DPF3: variants seen among roughly 807,000 people sequenced by gnomAD.
DPF3 encodes the protein double PHD fingers 3, also known as zinc finger protein DPF3.
DPF3 carries 18 observed loss-of-function variants against 56.8 expected under a neutral mutation model. That is an observed-to-expected ratio of 0.32 (90% confidence interval 0.22 to 0.47). The LOEUF is 0.47. Among genes scored for constraint, DPF3 ranks in the 20% least tolerant of loss-of-function variants. The pLI is 1.00. For missense variants in DPF3, 403 were observed against 488.8 expected (o/e 0.82, Z 1.65); for synonymous variants, 188 against 180.2 (o/e 1.04, Z -0.35).
chr14:72,643,008 T>C (rs893265041), intron 8 of DPF3, among the ~76,000 whole-genome samples: 29 of 152,212 alleles, frequency 1.9e-4, no homozygotes, highest in Admixed American at 3.3e-4. Flanking sequence ...GATAGGAACA[T>C]TCCTGATTTA....
At chr14:72,648,014 C>T (rs772332994) in intron 8 of DPF3, among the ~76,000 whole-genome samples, 16 of 152,174 alleles carry the variant, frequency 1.1e-4, no homozygotes, top group Non-Finnish European at 1.8e-4. Flanking sequence ...TACCCCTCTA[C>T]CCCTTTTTCC....
intron 1 of DPF3, among the ~76,000 whole-genome samples, chr14:72,810,014 C>T (rs1405630321): frequency 1.3e-5 from 2 of 152,208 alleles, no homozygotes; most frequent in African/African-American, 2.4e-5. Context: ...GCACTTAGCA[C>T]TGTGCCTGTA....
intron 4 of DPF3, among the ~76,000 whole-genome samples, chr14:72,726,252 CA>C (rs1324141000): frequency 6.6e-6 from 1 of 152,172 alleles, no homozygotes; most frequent in Non-Finnish European, 1.5e-5. Flanking sequence ...TGGTAAGTTC[CA>C]AGTGCCTCGA....
rs113226778 is a variant in DPF3, at chr14:72,818,680, A to T, written c.33-46787T>A. ...CAACAAAGACCTTGTCTCTAAAAAG[A>T]TAAAAATTTAAAAATTAAAAAGACA... On this transcript the variant is annotated intron_variant, in intron 1 of 10. Coordinates refer to ENST00000556509, the MANE Select transcript of DPF3 (RefSeq NM_001280542.3). Among the ~76,000 whole-genome samples, 617 of 152,378 alleles carry T rather than the reference A, an allele frequency of 4.0e-3. 8 individuals carry two copies. The highest frequency in any genetic ancestry group is 0.014 in the African/African-American group (597 of 41,596).
chr14:72,775,046 A>C (rs1018770296), intron 1 of DPF3, among the ~76,000 whole-genome samples: 1 of 152,204 alleles, frequency 6.6e-6, no homozygotes. Context: ...GCCCCCACCC[A>C]TGAAACAGCA....
intron 2 of DPF3, among the ~76,000 whole-genome samples, chr14:72,769,689 A>C (rs1891439624): frequency 1.3e-5 from 2 of 151,584 alleles, no homozygotes; most frequent in Non-Finnish European, 1.5e-5. Flanking sequence ...AAAAAAAAAA[A>C]AAAAAAAAAA....
intron 8 of DPF3, among the ~76,000 whole-genome samples, chr14:72,650,802 A>C (rs1454994442): frequency 6.6e-6 from 1 of 152,148 alleles, no homozygotes; most frequent in African/African-American, 2.4e-5. Context: ...TCCCTCCAAG[A>C]CAGGATCAGC....
chr14:72,709,685 G>A (rs1888572822), intron 6 of DPF3, among the ~76,000 whole-genome samples: 1 of 152,082 alleles, frequency 6.6e-6, no homozygotes, highest in East Asian at 1.9e-4. Context: ...TGAGGACGCT[G>A]GGATCATATC....
Position 72,714,452 on chromosome 14 carries a change from T to C in DPF3, c.575A>G (p.Glu192Gly). Reference protein sequence around the residue: ...GRRRHDAASQEDHDKPYVCDI... With the variant: ...GRRRHDAASQGDHDKPYVCDI... ...ACAGACGTAAGGTTTGTCGTGGTCT[T>C]CCTGAGAGGCGGCGTCGTGCCTCCT... The change falls in exon 6 of 11, where the codon GAA (glutamate) becomes GGA (glycine). Residue 192 changes from glutamate (E) to glycine (G), a missense_variant. By Grantham distance (98) the Glu-to-Gly change is moderately conservative. Around this residue, in one of 2 missense-constraint regions of DPF3, gnomAD observed 340 missense variants for 374.3 expected, o/e 0.91. Transcript: ENST00000556509. 6.2e-7 allele frequency: 1 copy of C among 1,613,832 alleles called. No homozygotes were observed. Among genetic ancestry groups the C allele is most frequent in the Non-Finnish European group, 8.5e-7 (1 of 1,179,792 alleles).
At chr14:72,723,088 G>A (rs147668593) in intron 5 of DPF3, among the ~76,000 whole-genome samples, 36 of 151,868 alleles carry the variant, frequency 2.4e-4, no homozygotes, top group African/African-American at 7.2e-4. Context: ...CACAATGTAC[G>A]GGTTAGTTAC....
intron 1 of DPF3, among the ~76,000 whole-genome samples, chr14:72,866,680 A>C (rs1232473885): frequency 6.6e-6 from 1 of 150,592 alleles, no homozygotes; most frequent in Non-Finnish European, 1.5e-5. Flanking sequence ...AACACGAAGA[A>C]ACCCCATCTC....
At position 72,612,435 on chromosome 14, in the gene DPF3, T is replaced by G. The variant is rs531466402; in HGVS notation, c.*6862A>C. The stretch of plus-strand genomic sequence containing the variant: ...TATCAGGCAGTGTTTCTGTCCTTTT[T>G]TTTTTTCTAGTACCTAATTTAGGCT... On this transcript the variant is annotated 3_prime_UTR_variant, in exon 11 of 11. Transcript: ENST00000556509. 3 of 516,480 alleles carry G rather than the reference T, an allele frequency of 5.8e-6. No individual in the cohort carries two copies. The highest frequency in any genetic ancestry group is 1.4e-5 in the South Asian group (1 of 71,214). The allele number at this position is 516,480 out of a possible 1,614,324, so 32.0% of individuals were successfully genotyped here.
At chr14:72,732,177 G>A (rs905305853) in intron 3 of DPF3, among the ~76,000 whole-genome samples, 1 of 152,230 alleles carries the variant, frequency 6.6e-6, no homozygotes, top group Non-Finnish European at 1.5e-5. Flanking sequence ...CAGAAAGGGT[G>A]CGGGGTAGAT....
chr14:72,891,175 G>A (rs560855236), intron 1 of DPF3, among the ~76,000 whole-genome samples: 32 of 152,294 alleles, frequency 2.1e-4, no homozygotes, highest in Admixed American at 5.9e-4. Context: ...CATACTCAGC[G>A]TAGGCAGAGC....
At chr14:72,860,209 G>T (rs1049624213) in intron 1 of DPF3, among the ~76,000 whole-genome samples, 1 of 152,050 alleles carries the variant, frequency 6.6e-6, no homozygotes, top group African/African-American at 2.4e-5. Flanking sequence ...TTGAGACAGG[G>T]TCTCACCCTG....
intron 8 of DPF3, among the ~76,000 whole-genome samples, chr14:72,657,273 C>G (rs1886085148): frequency 6.6e-6 from 1 of 152,202 alleles, no homozygotes; most frequent in Admixed American, 6.5e-5. Context: ...TTGTCTCATA[C>G]AGATGAAACT....
At chr14:72,797,535 C>G (rs759503016) in intron 1 of DPF3, among the ~76,000 whole-genome samples, 76 of 152,318 alleles carry the variant, frequency 5.0e-4, no homozygotes, top group Non-Finnish European at 9.0e-4. Flanking sequence ...TATATCAATA[C>G]AGCTGTGAAT....
At position 72,723,702 on chromosome 14, in the gene DPF3, T is replaced by C; in HGVS notation, c.456A>G (p.Val152=). ...IQRVLENDEN[V]EEGNEEEDLE... ...AATCCTCTTCTTCATTCCCTTCTTC[T>C]ACATTTTCATCATTTTCCAAAACCC... Residue 152 remains valine (V), a synonymous_variant, in exon 5 of 11, where the codon GTA becomes GTG. Transcript: ENST00000556509. 1.3e-6 allele frequency: 2 copies of C among 1,583,918 alleles called. No individual in the cohort carries two copies. Among genetic ancestry groups the C allele is most frequent in the Non-Finnish European group, 1.7e-6 (2 of 1,170,762 alleles).
chr14:72,775,925 C>T lies in DPF3; in HGVS notation c.33-4032G>A, dbSNP rs75263512. On this transcript the variant is annotated intron_variant, in intron 1 of 10. Transcript: ENST00000556509. ...AAAATCAATGACTAGTTCTCCCTAA[C>T]CCGTAGAAAGCAATTTAAACAGCAG... 4.7e-3 allele frequency among the ~76,000 whole-genome samples: 715 copies of T among 151,978 alleles called. 3 individuals are homozygous for T. Among genetic ancestry groups the T allele is most frequent in the African/African-American group, 0.016 (677 of 41,410 alleles).
Sources: gnomAD v4.1 joint callset for allele counts (sites outside exome capture counted in the v4.1 genomes callset) on GRCh38, gnomAD v4.1.1 for gene constraint, gnomAD v4.1.1 regional missense constraint, MANE v1.5 for transcripts, NCBI Gene and HGNC (gene_info 2026-07-23, HGNC 2026-07-21) for gene names.